Variants in LAMA3 observed in about 807,000 individuals in gnomAD.
LAMA3 encodes laminin subunit alpha-3.
In LAMA3, 281 loss-of-function variants were observed where a neutral mutation model predicts 402.0. The ratio of observed to expected loss-of-function variants is 0.70; its 90% CI spans 0.63 to 0.77. The LOEUF (loss-of-function observed/expected upper bound fraction) is 0.77, where lower values mean the gene tolerates loss of function less well. Among genes scored for constraint, LAMA3 ranks in the 30% least tolerant of loss-of-function variants. The probability of loss-of-function intolerance (pLI) is 0.00; values close to 1 mark genes in which losing one functional copy is unlikely to be tolerated. For synonymous variants in LAMA3, 1,431 were observed against 1,558.4 expected (o/e 0.92, Z 1.93); for missense variants, 3,840 against 4,215.5 (o/e 0.91, Z 2.47).
At chr18:23,904,507 G>A in intron 50 of LAMA3, 46 bp from the exon 51 acceptor site, 1 of 1,559,784 alleles carries the variant, frequency 6.4e-7, no homozygotes, top group Non-Finnish European at 8.7e-7. Flanking sequence ...GTCAGCTGCT[G>A]GCAGAGGAAG....
At chr18:23,836,819 T>G (rs574275077) in intron 24 of LAMA3, among the ~76,000 whole-genome samples, 162 bp from the exon 25 acceptor site, 1 of 152,324 alleles carries the variant, frequency 6.6e-6, no homozygotes, top group East Asian at 1.9e-4. Context: ...CCATAGAGAC[T>G]GCGAGCTGCA....
At chr18:23,912,596 A>C in intron 55 of LAMA3, 115 bp from the exon 56 acceptor site, 1 of 843,784 alleles carries the variant, frequency 1.2e-6, no homozygotes, top group South Asian at 1.4e-5. Context: ...CTTGCTCCTT[A>C]TCATAACAAC....
chr18:23,750,791 C>T, intron 4 of LAMA3, 127 bp from the exon 5 acceptor site: 1 of 916,252 alleles, frequency 1.1e-6, no homozygotes, highest in Non-Finnish European at 1.8e-6. Flanking sequence ...ACCCAAGACC[C>T]CCTACGAATA....
At chr18:23,924,634 T>A (rs933407409) in intron 62 of LAMA3, among the ~76,000 whole-genome samples, 1 of 139,142 alleles carries the variant, frequency 7.2e-6, no homozygotes, top group Admixed American at 8.0e-5. Context: ...AACCTCCACC[T>A]CCCGGGTTCA....
At chr18:23,700,395 T>C (rs2060770668) in intron 1 of LAMA3, among the ~76,000 whole-genome samples, 1 of 152,050 alleles carries the variant, frequency 6.6e-6, no homozygotes, top group African/African-American at 2.4e-5. Flanking sequence ...GTTGAAAAAT[T>C]GGGCTTTAAG....
chr18:23,907,431 C>A, intron 52 of LAMA3, 119 bp from the exon 53 acceptor site: 1 of 795,644 alleles, frequency 1.3e-6, no homozygotes. Context: ...CTGAGGTGAC[C>A]CCTAAGAAGC....
In LAMA3 at chr18:23,773,571, CCCTGATGGCTGCATCCGT is replaced by C; in HGVS notation, c.1258_1273+2del. On this transcript the variant is annotated splice_donor_variant and coding_sequence_variant, in exon 9 of 75. Transcript: ENST00000313654. LOFTEE classifies it high-confidence loss of function. ...GCCCTTATGGGGTTCCAGTGGATGC[CCCTGATGGCTGCATCCGT>C]AAGTTTCATTTCAAGTTGGTGTATC... is the stretch of plus-strand genomic sequence containing the variant. 1 of 1,586,430 alleles carries C rather than the reference CCCTGATGGCTGCATCCGT, an allele frequency of 6.3e-7. No individual in the cohort carries two copies. Among genetic ancestry groups the C allele is most frequent in the Non-Finnish European group, 8.6e-7 (1 of 1,162,500 alleles).
intron 6 of LAMA3, among the ~76,000 whole-genome samples, chr18:23,757,969 C>G (rs1303767077): frequency 6.6e-6 from 1 of 152,170 alleles, no homozygotes; most frequent in East Asian, 1.9e-4. Context: ...GAGTAAGAAA[C>G]TTGAGCAGAT....
intron 12 of LAMA3, among the ~76,000 whole-genome samples, chr18:23,797,077 C>G (rs975868379): frequency 2.0e-5 from 3 of 152,116 alleles, no homozygotes; most frequent in African/African-American, 7.2e-5. Flanking sequence ...ACACATCCAG[C>G]CTTGGAGAAG....
intron 37 of LAMA3, among the ~76,000 whole-genome samples, chr18:23,870,598 A>C (rs1435770688): frequency 6.6e-6 from 1 of 152,266 alleles, no homozygotes; most frequent in African/African-American, 2.4e-5. Flanking sequence ...TCAACAGATG[A>C]ATAGACAAAG....
In LAMA3 at chr18:23,819,378, A is replaced by G. The variant is rs182309161; in HGVS notation, c.2148-463A>G. Among the ~76,000 whole-genome samples, 29 of 152,350 alleles carry G rather than the reference A, an allele frequency of 1.9e-4. 2 individuals are homozygous for G. Among genetic ancestry groups the G allele is most frequent in the Admixed American group, 1.8e-3 (28 of 15,300 alleles). ...TATCAAGAAAATATATCTAACTTGT[A>G]AATTTAGCATATGAAATATTTTATG... On this transcript the variant is annotated intron_variant, in intron 18 of 74. Transcript: ENST00000313654.
rs1450120605 is a variant in LAMA3, at chr18:23,833,889, A to G, written c.2885A>G (p.Tyr962Cys). The G allele has an allele frequency of 2.5e-6, 4 of 1,614,008 alleles. No individual in the cohort carries two copies. Among genetic ancestry groups the G allele is most frequent in the Non-Finnish European group, 3.4e-6 (4 of 1,180,042 alleles). ...GGCCACTACGTGGTTGTGGTCGAGT[A>G]TTCCACGGAGGCAGCTCAGCTGTTT... ...QVGHYVVVVEYSTEAAQLFVV... is the reference protein window; with the variant it reads ...QVGHYVVVVECSTEAAQLFVV... The change falls in exon 24 of 75, where the codon TAT (tyrosine) becomes TGT (cysteine). Residue 962 changes from tyrosine to cysteine, a missense_variant. This residue lies in a region of LAMA3 where 2,109 missense variants were observed against 2,376.0 expected (regional missense o/e 0.89). Coordinates refer to ENST00000313654, the MANE Select transcript of LAMA3 (RefSeq NM_198129.4).
chr18:23,717,634 C>G (rs913363774), intron 2 of LAMA3, among the ~76,000 whole-genome samples: 1 of 139,632 alleles, frequency 7.2e-6, no homozygotes, highest in African/African-American at 2.7e-5. Flanking sequence ...CTCACTGCAA[C>G]CTCCGTCTCC....
Position 23,746,248 on chromosome 18 carries a change from TC to T in LAMA3, c.448-1693del, listed in dbSNP as rs368692382. ...GACAGAACTGGCTGAGCTTAGGGTT[TC>T]CAGTAATCAGTGTGACAATTCTTCC... On this transcript the variant is annotated intron_variant, in intron 2 of 74. Transcript: ENST00000313654. 8.5e-4 allele frequency among the ~76,000 whole-genome samples: 129 copies of T among 152,280 alleles called. 3 individuals are homozygous for T. The South Asian group carries it at 0.026, about 30-fold the overall frequency.
chr18:23,949,889 T>G lies in LAMA3; in HGVS notation c.9476T>G (p.Ile3159Ser). The G allele has an allele frequency of 1.2e-6, 2 of 1,614,112 alleles. No individual in the cohort carries two copies. Among genetic ancestry groups the G allele is most frequent in the Non-Finnish European group, 1.7e-6 (2 of 1,180,030 alleles). The stretch of plus-strand genomic sequence containing the variant: ...TTGGGTGGTCCTTTGGAGAAAGGCA[T>G]TTATTTCTCTGAAGAAGGAGGTCAT... ...SCLGGPLEKG[I>S]YFSEEGGHVV... Residue 3159 changes from isoleucine to serine, a missense_variant, in exon 71 of 75, where the codon ATT becomes AGT. Coordinates refer to ENST00000313654, the MANE Select transcript of LAMA3 (RefSeq NM_198129.4).
At chr18:23,894,376 T>C in intron 43 of LAMA3, 28 bp downstream of exon 43, 1 of 1,594,624 alleles carries the variant, frequency 6.3e-7, no homozygotes. Context: ...CTCCTCCTCC[T>C]TTCCAAGTTG....
Position 23,833,756 on chromosome 18 carries a change from CA to C in LAMA3, c.2824-71del, listed in dbSNP as rs2063528555. 16 of 1,545,558 alleles carry C rather than the reference CA, an allele frequency of 1.0e-5. 1 individual carries two copies. In the South Asian group the frequency reaches 1.8e-4, roughly 17 times the overall value. On this transcript the variant is annotated intron_variant, in intron 23 of 74. Coordinates refer to ENST00000313654, the MANE Select transcript of LAMA3 (RefSeq NM_198129.4). ...GGTGTCTTCTGGGCTCTATTTTCAC[CA>C]TTGCTGATGCAAGTGTGGCCTGTAC...
At chr18:23,858,377 G>A (rs1225968066) in intron 33 of LAMA3, among the ~76,000 whole-genome samples, 1 of 152,160 alleles carries the variant, frequency 6.6e-6, no homozygotes, top group African/African-American at 2.4e-5. Context: ...CCCAGGAGAT[G>A]TTTTAAGGTG....
At chr18:23,700,779 C>T (rs1381394415) in intron 1 of LAMA3, among the ~76,000 whole-genome samples, 1 of 152,142 alleles carries the variant, frequency 6.6e-6, no homozygotes. Flanking sequence ...CTCACTGCAG[C>T]CTCTACCTCC....
Sources: gnomAD v4.1 joint callset for allele counts (sites outside exome capture counted in the v4.1 genomes callset) on GRCh38, gnomAD v4.1.1 for gene constraint, gnomAD v4.1.1 regional missense constraint, MANE v1.5 for transcripts, NCBI Gene and HGNC (gene_info 2026-07-23, HGNC 2026-07-21) for gene names.